FHIP1A: variants seen among roughly 807,000 people sequenced by gnomAD.
FHIP1A encodes FHF complex subunit HOOK-interacting protein 1A.
FHIP1A carries 61 observed loss-of-function variants against 88.6 expected under a neutral mutation model. The ratio of observed to expected loss-of-function variants is 0.69; its 90% CI spans 0.56 to 0.85. FHIP1A has a LOEUF of 0.85. Among genes scored for constraint, FHIP1A ranks in the 40% least tolerant of loss-of-function variants. The pLI, the probability that FHIP1A is intolerant of heterozygous loss-of-function variation, is 0.00. For synonymous variants in FHIP1A, 478 were observed against 496.0 expected (o/e 0.96, Z 0.48); for missense variants, 1,154 against 1,273.5 (o/e 0.91, Z 1.43).
chr4:151,415,385 C>A (rs1207423921), intron 1 of FHIP1A, among the ~76,000 whole-genome samples: 2 of 152,180 alleles, frequency 1.3e-5, no homozygotes, highest in South Asian at 4.2e-4. Flanking sequence ...CAGGGTTTGG[C>A]CAGGTTGGTC....
chr4:151,551,043 C>G (rs1215036199), intron 3 of FHIP1A, among the ~76,000 whole-genome samples: 1 of 152,148 alleles, frequency 6.6e-6, no homozygotes, highest in African/African-American at 2.4e-5. Context: ...CTGTCTTTGG[C>G]AGAGGGAAAA....
intron 13 of FHIP1A, among the ~76,000 whole-genome samples, chr4:151,661,367 C>T (rs1737449107): frequency 6.6e-6 from 1 of 150,710 alleles, no homozygotes; most frequent in African/African-American, 2.4e-5. Context: ...CTGTGATAAG[C>T]CTTAATCTAA....
At chr4:151,657,901 C>G (rs1737309349) in intron 13 of FHIP1A, among the ~76,000 whole-genome samples, 1 of 152,232 alleles carries the variant, frequency 6.6e-6, no homozygotes, top group African/African-American at 2.4e-5. Flanking sequence ...CTTTACCTCA[C>G]AGGCCCAATG....
intron 3 of FHIP1A, among the ~76,000 whole-genome samples, chr4:151,502,146 T>C (rs1285472299): frequency 1.5e-5 from 2 of 135,494 alleles, no homozygotes; most frequent in Non-Finnish European, 3.1e-5. Context: ...GGAGAATCTG[T>C]CTCTACAAAA....
At chr4:151,460,341 C>T (rs1247106106) in intron 2 of FHIP1A, among the ~76,000 whole-genome samples, 1 of 152,106 alleles carries the variant, frequency 6.6e-6, no homozygotes, top group Non-Finnish European at 1.5e-5. Flanking sequence ...CAGAGCACAA[C>T]ATTTGGGAAA....
In FHIP1A at chr4:151,656,554, G is replaced by A. The variant is rs1737248324; in HGVS notation, c.2730+144G>A. The A allele has an allele frequency of 1.2e-5, 12 of 1,023,118 alleles. No individual in the cohort carries two copies. In the South Asian group the frequency reaches 1.8e-4, roughly 16 times the overall value. The allele number at this position is 1,023,118 out of a possible 1,614,324, so 63.4% of individuals were successfully genotyped here. A position where few individuals can be genotyped will look rare whatever the true frequency, so the allele number is the denominator to read the frequency against. On this transcript the variant is annotated intron_variant, in intron 12 of 13. Transcript: ENST00000435205. The surrounding 1 kb of genome is among the most constrained non-coding windows in gnomAD (Gnocchi z 4.2). ...TTCCCTGTCCTATTAAGCTCACTGT[G>A]TAGTTTATTCTAGACAAACTGTAGA...
At chr4:151,496,258 T>C (rs1730457935) in intron 3 of FHIP1A, among the ~76,000 whole-genome samples, 1 of 149,758 alleles carries the variant, frequency 6.7e-6, no homozygotes, top group Non-Finnish European at 1.5e-5. Flanking sequence ...TTTATATATA[T>C]ATATTTTTTC....
intron 3 of FHIP1A, among the ~76,000 whole-genome samples, chr4:151,523,893 CCTT>C: frequency 1.3e-5 from 2 of 152,270 alleles, no homozygotes; most frequent in Middle Eastern, 6.8e-3. Context: ...TGATCCATGT[CCTT>C]CTTTTCCTTC....
chr4:151,582,759 T>G (rs1296059259), intron 5 of FHIP1A, among the ~76,000 whole-genome samples: 9 of 152,204 alleles, frequency 5.9e-5, no homozygotes, highest in African/African-American at 1.2e-4. Flanking sequence ...TGCAATTTTT[T>G]TGTGTGTGTG....
intron 3 of FHIP1A, among the ~76,000 whole-genome samples, chr4:151,564,672 A>G (rs927935427): frequency 4.6e-5 from 7 of 152,212 alleles, no homozygotes; most frequent in Admixed American, 4.6e-4. Context: ...TTTCATAATA[A>G]AATACAGCTG....
chr4:151,609,714 T>C (rs1251009294), intron 7 of FHIP1A, among the ~76,000 whole-genome samples: 1 of 152,220 alleles, frequency 6.6e-6, no homozygotes, highest in Non-Finnish European at 1.5e-5. Flanking sequence ...AGCTGATACC[T>C]GGGCATATTG....
rs1737252340 is a variant in FHIP1A at position 151,656,659 on chromosome 4, T to C, written c.2731-101T>C. 7.7e-7 allele frequency: 1 copy of C among 1,301,912 alleles called. No homozygotes were observed. Among genetic ancestry groups the C allele is most frequent in the Non-Finnish European group, 1.1e-6 (1 of 946,022 alleles). The allele number at this position is 1,301,912 out of a possible 1,614,324, so 80.6% of individuals were successfully genotyped here. ...AAAAATGAACAAATGTCTAACATCA[T>C]AATAGTTCCCATAATGAGGGTGCTA... On this transcript the variant is annotated intron_variant, in intron 12 of 13. Transcript: ENST00000435205. This position sits in a 1 kb window ranked among gnomAD's most constrained non-coding sequence, Gnocchi z 4.2.
In FHIP1A at chr4:151,520,557, C is replaced by T. The variant is rs1467681223; in HGVS notation, c.-123+37909C>T. On this transcript the variant is annotated intron_variant, in intron 3 of 13. Coordinates refer to ENST00000435205, the MANE Select transcript of FHIP1A (RefSeq NM_001109977.3). Reference sequence around the variant, plus strand: ...AAAAACTGTACTGTGATGTATATTACTTCTGTTGTTTAATCTTTACTTGAG... The same window carrying T: ...AAAAACTGTACTGTGATGTATATTATTTCTGTTGTTTAATCTTTACTTGAG... Among the ~76,000 whole-genome samples, 4 of 152,040 alleles carry T rather than the reference C, an allele frequency of 2.6e-5. No homozygotes were observed. The East Asian group carries it at 7.7e-4, about 29-fold the overall frequency.
rs531865963 is a variant in FHIP1A, at chr4:151,631,125, A to G, written c.1146+1256A>G. ...AAAAAGAAGAGCAAACAAAGCAGGC[A>G]GAAAGAAAACAATAAAGATTAGAGC... On this transcript the variant is annotated intron_variant, in intron 8 of 13. Transcript: ENST00000435205. Among the ~76,000 whole-genome samples the G allele has an allele frequency of 3.1e-4, 47 of 152,294 alleles. No homozygotes were observed. In the South Asian group the frequency reaches 9.3e-3, roughly 30 times the overall value.
At chr4:151,490,154 G>A (rs11729514) in intron 3 of FHIP1A, among the ~76,000 whole-genome samples, 18,901 of 152,180 alleles carry the variant, frequency 0.12, 1,295 homozygotes, top group African/African-American at 0.17. Context: ...ACCAGAGGTC[G>A]TGAGTCTGTC....
rs1736954836 is a variant in FHIP1A, at chr4:151,649,984, G to A, written c.1943G>A (p.Cys648Tyr). The change falls in exon 11 of 14, where the codon TGT (cysteine) becomes TAT (tyrosine). Residue 648 changes from cysteine (C) to tyrosine (Y), a missense_variant. Transcript: ENST00000435205. ...FQDDVMVYRLCAEKDSEDMKD... is the reference protein window; with the variant it reads ...FQDDVMVYRLYAEKDSEDMKD... ...GATGATGTGATGGTGTACAGGCTGT[G>A]TGCTGAGAAGGACTCCGAGGACATG... 1.3e-6 allele frequency: 2 copies of A among 1,551,680 alleles called. No individual in the cohort carries two copies. Among genetic ancestry groups the A allele is most frequent in the Non-Finnish European group, 1.7e-6 (2 of 1,146,992 alleles).
chr4:151,617,143 C>T (rs910168027), intron 7 of FHIP1A, among the ~76,000 whole-genome samples: 2 of 152,134 alleles, frequency 1.3e-5, no homozygotes, highest in Non-Finnish European at 2.9e-5. Context: ...AGTTACTCCT[C>T]CTTTCCTGGA....
At chr4:151,503,448 C>T (rs1459102385) in intron 3 of FHIP1A, among the ~76,000 whole-genome samples, 1 of 152,042 alleles carries the variant, frequency 6.6e-6, no homozygotes, top group African/African-American at 2.4e-5. Context: ...GAGGCAATCT[C>T]CTGGTGGGAG....
chr4:151,644,746 C>T (rs1736723556), intron 9 of FHIP1A, among the ~76,000 whole-genome samples: 1 of 152,176 alleles, frequency 6.6e-6, no homozygotes, highest in Non-Finnish European at 1.5e-5. Context: ...GCTCTGATCC[C>T]TTTTGTTGCT....
Sources: gnomAD v4.1 joint callset for allele counts (sites outside exome capture counted in the v4.1 genomes callset) on GRCh38, gnomAD v4.1.1 for gene constraint, Gnocchi (gnomAD v3.1) non-coding constraint, MANE v1.5 for transcripts, NCBI Gene and HGNC (gene_info 2026-07-23, HGNC 2026-07-21) for gene names.